The following CCSER1 variants were observed in gnomAD, a reference collection of about 807,000 sequenced individuals.
The protein encoded by CCSER1 is serine-rich coiled-coil domain-containing protein 1.
Under a neutral mutation model 82.0 loss-of-function variants are expected in CCSER1, and 41 were observed. The observed-to-expected ratio is 0.50, with a 90% confidence interval of 0.39 to 0.65. The LOEUF is 0.65. Ranked by LOEUF, CCSER1 falls within the 30% of genes least tolerant of loss-of-function variation. The probability of loss-of-function intolerance (pLI) is 0.00; values close to 1 mark genes in which losing one functional copy is unlikely to be tolerated. For missense variants in CCSER1, 1,119 were observed against 1,064.2 expected (o/e 1.05, Z -0.72); for synonymous variants, 414 against 383.9 (o/e 1.08, Z -0.92).
At chr4:91,056,495 C>T (rs1475717018) in intron 9 of CCSER1, among the ~76,000 whole-genome samples, 1 of 152,092 alleles carries the variant, frequency 6.6e-6, no homozygotes, top group Non-Finnish European at 1.5e-5. Flanking sequence ...ACCAAATTCC[C>T]TCTGGCAAGA....
intron 10 of CCSER1, among the ~76,000 whole-genome samples, chr4:91,253,364 C>T (rs775804206): frequency 3.3e-5 from 5 of 152,018 alleles, no homozygotes; most frequent in Admixed American, 6.6e-5. Flanking sequence ...GGTAAACTTT[C>T]GTCAAAAGTA....
At chr4:90,908,650 G>A (rs1383991970) in intron 8 of CCSER1, among the ~76,000 whole-genome samples, 1 of 152,040 alleles carries the variant, frequency 6.6e-6, no homozygotes, top group South Asian at 2.1e-4. Context: ...AAACTTTTTT[G>A]TACTGATTCT....
At chr4:91,006,253 C>T (rs570226502) in intron 9 of CCSER1, among the ~76,000 whole-genome samples, 18 of 151,118 alleles carry the variant, frequency 1.2e-4, no homozygotes, top group Admixed American at 3.3e-4. Flanking sequence ...TTATTCCTGG[C>T]GATATTTTTT....
intron 10 of CCSER1, among the ~76,000 whole-genome samples, chr4:91,403,749 T>C (rs904708046): frequency 1.3e-5 from 2 of 152,192 alleles, no homozygotes; most frequent in African/African-American, 4.8e-5. Context: ...AGAAGCTGAC[T>C]TCATCATCAT....
Position 90,961,656 on chromosome 4 carries a change from ATAT to A in CCSER1, c.2172+38214_2172+38216del, listed in dbSNP as rs1180355960. Among the ~76,000 whole-genome samples the A allele has an allele frequency of 2.0e-5, 3 of 152,230 alleles. No individual in the cohort carries two copies. The South Asian group carries it at 6.2e-4, about 32-fold the overall frequency. ...GCTTACAAATATAATGTTTATAATGATATTATTTTAATTTTAAGTAAGTACATT... is the reference window on the plus strand; with the variant it reads ...GCTTACAAATATAATGTTTATAATGATATTTTAATTTTAAGTAAGTACATT... On this transcript the variant is annotated intron_variant, in intron 9 of 10. Transcript: ENST00000509176.
Position 90,880,105 on chromosome 4 carries a change from G to T in CCSER1, c.2095-43265G>T, listed in dbSNP as rs1193638669. 3.3e-5 allele frequency among the ~76,000 whole-genome samples: 5 copies of T among 152,110 alleles called. No individual in the cohort carries two copies. In the East Asian group the frequency reaches 9.7e-4, roughly 29 times the overall value. On this transcript the variant is annotated intron_variant, in intron 8 of 10. Coordinates refer to ENST00000509176, the MANE Select transcript of CCSER1 (RefSeq NM_001145065.2). Reference sequence around the variant, plus strand: ...TATGTGGCTCCCCTGTTTCCTCTCAGTTGTAACTGTTTTCTTTCTCAATGC... The same window carrying T: ...TATGTGGCTCCCCTGTTTCCTCTCATTTGTAACTGTTTTCTTTCTCAATGC...
intron 10 of CCSER1, among the ~76,000 whole-genome samples, chr4:91,346,021 G>A (rs1318703393): frequency 2.0e-5 from 3 of 150,856 alleles, no homozygotes; most frequent in Admixed American, 2.0e-4. Context: ...ATCATACTGG[G>A]GCTTGACAGC....
intron 5 of CCSER1, among the ~76,000 whole-genome samples, chr4:90,545,450 C>A (rs1174576728): frequency 1.3e-5 from 2 of 152,076 alleles, no homozygotes; most frequent in African/African-American, 4.8e-5. Context: ...TATATAATTT[C>A]ATGTGTTTCT....
chr4:91,098,910 G>T (rs1724778359), intron 10 of CCSER1, among the ~76,000 whole-genome samples: 1 of 152,118 alleles, frequency 6.6e-6, no homozygotes, highest in South Asian at 2.1e-4. Flanking sequence ...TAAAATTGAA[G>T]AAAATGTACT....
intron 9 of CCSER1, among the ~76,000 whole-genome samples, chr4:90,994,325 T>C (rs369085660): frequency 6.6e-6 from 1 of 152,058 alleles, no homozygotes; most frequent in South Asian, 2.1e-4. Context: ...TAGCCTACAG[T>C]TGGACAAAAT....
chr4:91,159,901 A>C (rs1359629199), intron 10 of CCSER1, among the ~76,000 whole-genome samples: 1 of 151,718 alleles, frequency 6.6e-6, no homozygotes, highest in Non-Finnish European at 1.5e-5. Flanking sequence ...ACTAAAGCTA[A>C]CTTTTTTTTA....
In CCSER1 at chr4:91,167,209, C is replaced by T. The variant is rs374702682; in HGVS notation, c.2217+81215C>T. Among the ~76,000 whole-genome samples the T allele has an allele frequency of 1.9e-3, 189 of 100,956 alleles. 2 individuals carry two copies. The highest frequency in any genetic ancestry group is 5.0e-3 in the African/African-American group (130 of 26,192). 66.2% of individuals were successfully genotyped at this position (100,956 alleles called of 152,430 possible). ...ACTTTTTTTTTTTTTTTTTTTGAGACGGCTTCTCACGCTGTCACACAGACT... is the reference window on the plus strand; with the variant it reads ...ACTTTTTTTTTTTTTTTTTTTGAGATGGCTTCTCACGCTGTCACACAGACT... On this transcript the variant is annotated intron_variant, in intron 10 of 10. Transcript: ENST00000509176.
rs190211156 is a variant in CCSER1 at position 91,472,858 on chromosome 4, C to T, written c.2218-125714C>T. On this transcript the variant is annotated intron_variant, in intron 10 of 10. Coordinates refer to ENST00000509176, the MANE Select transcript of CCSER1 (RefSeq NM_001145065.2). ...AGCTGCAAATTATTTCCTCTGGACACTGTTCTGTCCTCTTTATCCATCATC... is the reference window on the plus strand; with the variant it reads ...AGCTGCAAATTATTTCCTCTGGACATTGTTCTGTCCTCTTTATCCATCATC... Among the ~76,000 whole-genome samples the T allele has an allele frequency of 5.3e-4, 81 of 152,316 alleles. 2 individuals are homozygous for T. Among genetic ancestry groups the T allele is most frequent in the Non-Finnish European group, 5.3e-4 (36 of 68,024 alleles).
At chr4:90,640,056 C>T (rs1341722536) in intron 6 of CCSER1, among the ~76,000 whole-genome samples, 2 of 152,000 alleles carry the variant, frequency 1.3e-5, no homozygotes, top group African/African-American at 4.8e-5. Context: ...AATATTGCTT[C>T]AAGAAGGTCA....
chr4:90,425,311 A>G (rs1274661839), intron 4 of CCSER1, among the ~76,000 whole-genome samples: 10 of 151,126 alleles, frequency 6.6e-5, no homozygotes, highest in Admixed American at 6.6e-4. Flanking sequence ...CATGAAGGAG[A>G]GAGAGAGAGA....
At chr4:91,310,163 T>C (rs11725743) in intron 10 of CCSER1, among the ~76,000 whole-genome samples, 119,338 of 151,724 alleles carry the variant, frequency 0.79, 47,052 homozygotes, top group Middle Eastern at 0.85. Flanking sequence ...TTAGACACTC[T>C]TATGCCACAT....
At chr4:90,388,844 C>T (rs1373902434) in intron 3 of CCSER1, among the ~76,000 whole-genome samples, 1 of 151,840 alleles carries the variant, frequency 6.6e-6, no homozygotes, top group Non-Finnish European at 1.5e-5. Context: ...CCATTTTGGT[C>T]AGGCTGGTCT....
chr4:90,339,311 G>C (rs1330722384), intron 3 of CCSER1, among the ~76,000 whole-genome samples: 1 of 152,076 alleles, frequency 6.6e-6, no homozygotes, highest in Non-Finnish European at 1.5e-5. Context: ...TCTCTGGCTG[G>C]AGTCTTGCCA....
chr4:90,342,031 C>G (rs1191444511), intron 3 of CCSER1, among the ~76,000 whole-genome samples: 1 of 152,106 alleles, frequency 6.6e-6, no homozygotes, highest in Non-Finnish European at 1.5e-5. Context: ...TCTGGATTAT[C>G]TTTACTTCCA....
Sources: gnomAD v4.1 joint callset for allele counts (sites outside exome capture counted in the v4.1 genomes callset) on GRCh38, gnomAD v4.1.1 for gene constraint, MANE v1.5 for transcripts, NCBI Gene and HGNC (gene_info 2026-07-23, HGNC 2026-07-21) for gene names.